Variants in POLB observed in about 807,000 individuals in gnomAD.
POLB encodes DNA polymerase beta, also known as 5'-dRP lyase.
POLB carries 37 observed loss-of-function variants against 52.7 expected under a neutral mutation model. The observed-to-expected ratio is 0.70, with a 90% CI of 0.54 to 0.92. The LOEUF is 0.92. POLB is among the 40% of genes least tolerant of loss of function. The pLI is 0.00. For synonymous variants in POLB, 138 were observed against 131.3 expected, an observed-to-expected ratio of 1.05 and a Z score of -0.35; for missense variants, 313 against 400.8, an observed-to-expected ratio of 0.78 and a Z score of 1.87.
In POLB at chr8:42,338,517, G is replaced by C; in HGVS notation, c.-108G>C. On this transcript the variant is annotated 5_prime_UTR_variant, in exon 1 of 14. Transcript: ENST00000265421. ...CCATTGTTCCGCCGGTCGCGCCGGA[G>C]CTGGGTTGCTCCTGCTCCCGTCTCC... 1 of 959,468 alleles carries C rather than the reference G, an allele frequency of 1.0e-6. No homozygotes were observed. The highest frequency in any genetic ancestry group is 1.3e-5 in the South Asian group (1 of 76,348). The allele number at this position is 959,468 out of a possible 1,614,324, so 59.4% of individuals were successfully genotyped here. A position where few individuals can be genotyped will look rare whatever the true frequency, so the allele number is the denominator to read the frequency against.
chr8:42,354,450 AC>A (rs937942323), intron 6 of POLB: 12 of 1,284,456 alleles, frequency 9.3e-6, no homozygotes, highest in Non-Finnish European at 1.2e-5. Context: ...GTAAAGGGAC[AC>A]CTGAATGGAA....
intron 2 of POLB, chr8:42,339,400 A>G (rs1295154198): frequency 3.3e-6 from 1 of 304,180 alleles, no homozygotes; most frequent in South Asian, 3.3e-5. Flanking sequence ...ATGTGGTTCA[A>G]GGAATCACAT....
chr8:42,351,973 C>G (rs1822999549), intron 5 of POLB, among the ~76,000 whole-genome samples: 1 of 152,126 alleles, frequency 6.6e-6, no homozygotes, highest in Non-Finnish European at 1.5e-5. Flanking sequence ...TTTCCTTTTC[C>G]CGAAACGTTT....
In POLB at chr8:42,338,554, C is replaced by T; in HGVS notation, c.-71C>T. On this transcript the variant is annotated 5_prime_UTR_variant, in exon 1 of 14. Transcript: ENST00000265421. The stretch of plus-strand genomic sequence containing the variant: ...CTGCTCCCGTCTCCAAGTCCTGGTA[C>T]CTCCTTCAAGCTGGGAGAGGGCTCT... 1.5e-6 allele frequency: 2 copies of T among 1,363,608 alleles called. No individual in the cohort carries two copies. The allele number at this position is 1,363,608 out of a possible 1,614,324, so 84.5% of individuals were successfully genotyped here.
Position 42,355,577 on chromosome 8 carries a change from C to T in POLB, c.422+10C>T. 2.6e-6 allele frequency: 4 copies of T among 1,566,688 alleles called. No homozygotes were observed. The highest frequency in any genetic ancestry group is 1.1e-5 in the South Asian group (1 of 89,436). On this transcript the variant is annotated intron_variant, in intron 7 of 13. Transcript: ENST00000265421. The stretch of plus-strand genomic sequence containing the variant: ...AGCGAATTGGGCTGAAGTAAGATGG[C>T]AGATTTTCTTTTGACACTTGAGATA...
chr8:42,347,275 A>G (rs1822681281), intron 3 of POLB, among the ~76,000 whole-genome samples: 1 of 147,818 alleles, frequency 6.8e-6, no homozygotes, highest in Non-Finnish European at 1.5e-5. Flanking sequence ...AATTCTAGAA[A>G]TTATTCTAGA....
At chr8:42,339,128 C>A in intron 2 of POLB, 59 bp downstream of exon 2, 1 of 1,320,722 alleles carries the variant, frequency 7.6e-7, no homozygotes, top group Non-Finnish European at 1.1e-6. Flanking sequence ...TTTAGTGTGG[C>A]AATTAACAGG....
intron 5 of POLB, among the ~76,000 whole-genome samples, chr8:42,351,422 A>G (rs945170053): frequency 1.5e-4 from 23 of 152,248 alleles, no homozygotes; most frequent in East Asian, 5.8e-4. Context: ...GCCCCAGACT[A>G]TTGTGCTTGT....
chr8:42,371,535 C>T, intron 13 of POLB, 28 bp from the exon 14 acceptor site: 2 of 1,343,190 alleles, frequency 1.5e-6, no homozygotes, highest in South Asian at 1.2e-5. Flanking sequence ...CTGGTTCTTA[C>T]AATAAGTTTT....
chr8:42,362,573 AATT>A, intron 10 of POLB, 36 bp from the exon 11 acceptor site: 1 of 1,191,274 alleles, frequency 8.4e-7, no homozygotes, highest in Non-Finnish European at 1.3e-6. Context: ...ATTACAAAGT[AATT>A]ACTCTTTTTC....
intron 2 of POLB, chr8:42,342,566 G>T (rs1480547401): frequency 2.7e-6 from 2 of 735,980 alleles, no homozygotes; most frequent in Non-Finnish European, 4.8e-6. Flanking sequence ...TTACCATCTT[G>T]TCATCTTTAA....
In POLB at chr8:42,355,544, C is replaced by A. The variant is rs1396958750; in HGVS notation, c.399C>A (p.Asn133Lys). 1.9e-6 allele frequency: 3 copies of A among 1,592,942 alleles called. No homozygotes were observed. The highest frequency in any genetic ancestry group is 2.6e-6 in the Non-Finnish European group (3 of 1,161,558). ...EDLRKNEDKL[N>K]HHQRIGLKYF... ...TCAGAAAAAATGAAGATAAATTGAA[C>A]CATCATCAGCGAATTGGGCTGAAGT... The change falls in exon 7 of 14, where the codon AAC (asparagine) becomes AAA (lysine). Residue 133 changes from asparagine to lysine, a missense_variant. This residue lies in a region of POLB where 246 missense variants were observed against 297.6 expected (regional missense o/e 0.83). Transcript: ENST00000265421.
chr8:42,370,350 A>G (rs1364519272), intron 13 of POLB, among the ~76,000 whole-genome samples: 1 of 146,320 alleles, frequency 6.8e-6, no homozygotes, highest in Non-Finnish European at 1.5e-5. Flanking sequence ...AGTGCCACAT[A>G]CTTTGCTTTT....
At chr8:42,343,637 C>G (rs1822400980) in intron 2 of POLB, among the ~76,000 whole-genome samples, 1 of 151,332 alleles carries the variant, frequency 6.6e-6, no homozygotes, top group Non-Finnish European at 1.5e-5. Context: ...AAAAGGGGGC[C>G]CAATGATGAT....
At position 42,371,690 on chromosome 8, in the gene POLB, T is replaced by C. The variant is rs377135331; in HGVS notation, c.*33T>C. On this transcript the variant is annotated 3_prime_UTR_variant, in exon 14 of 14. Coordinates refer to ENST00000265421, the MANE Select transcript of POLB (RefSeq NM_002690.3). ...ATCCTCCCTGGCAGACACAACCCAA[T>C]AGGAGTCTTAATTTATTTCTTAACC... The C allele has an allele frequency of 1.6e-5, 19 of 1,207,592 alleles. No individual in the cohort carries two copies. The Admixed American group carries it at 2.2e-4, about 14-fold the overall frequency. The allele number at this position is 1,207,592 out of a possible 1,614,324, so 74.8% of individuals were successfully genotyped here.
chr8:42,352,209 T>C (rs1446489983), intron 5 of POLB, among the ~76,000 whole-genome samples: 1 of 152,232 alleles, frequency 6.6e-6, no homozygotes, highest in African/African-American at 2.4e-5. Flanking sequence ...CAGGAAAGTA[T>C]CTGACACATA....
Position 42,340,358 on chromosome 8 carries a change from C to G in POLB, c.119+1289C>G, listed in dbSNP as rs117131123. Among the ~76,000 whole-genome samples, 15 of 152,264 alleles carry G rather than the reference C, an allele frequency of 9.9e-5. No individual in the cohort carries two copies. In the East Asian group the frequency reaches 2.7e-3, roughly 27 times the overall value. On this transcript the variant is annotated intron_variant, in intron 2 of 13. Coordinates refer to ENST00000265421, the MANE Select transcript of POLB (RefSeq NM_002690.3). Reference sequence around the variant, plus strand: ...AAAATGGTCAAAACTTTGTTTCATGCACAAAATTATTAAAACGACTATATA... The same window carrying G: ...AAAATGGTCAAAACTTTGTTTCATGGACAAAATTATTAAAACGACTATATA...
In POLB at chr8:42,349,204, G is replaced by C. The variant is rs1191715997; in HGVS notation, c.261+114G>C. 22 of 607,648 alleles carry C rather than the reference G, an allele frequency of 3.6e-5. No individual in the cohort carries two copies. The South Asian group carries it at 3.8e-4, about 11-fold the overall frequency. The allele number at this position is 607,648 out of a possible 1,614,324, so 37.6% of individuals were successfully genotyped here. ...CACTGTAGTGAGACTCACAGGAAATGAGGTGAGTGAAGTTGATGGCTTTAA... is the reference window on the plus strand; with the variant it reads ...CACTGTAGTGAGACTCACAGGAAATCAGGTGAGTGAAGTTGATGGCTTTAA... On this transcript the variant is annotated intron_variant, in intron 4 of 13. Transcript: ENST00000265421.
rs537907744 is a variant in POLB, at chr8:42,341,995, G to A, written c.119+2926G>A. The A allele has an allele frequency of 1.4e-4, 105 of 756,796 alleles. 1 individual carries two copies. In the African/African-American group the frequency reaches 1.6e-3, roughly 12 times the overall value. 46.9% of individuals were successfully genotyped at this position (756,796 alleles called of 1,614,324 possible). On this transcript the variant is annotated intron_variant, in intron 2 of 13. Coordinates refer to ENST00000265421, the MANE Select transcript of POLB (RefSeq NM_002690.3). ...TTATGTATTGAGAGAACTGTTTCTT[G>A]TAAGCATCTTTATCTTCCATTAAGT... is the stretch of plus-strand genomic sequence containing the variant.
Sources: allele counts gnomAD v4.1 joint callset (sites outside exome capture counted in the v4.1 genomes callset), GRCh38; gene constraint gnomAD v4.1.1; regional missense constraint gnomAD v4.1.1; transcripts MANE v1.5; gene names NCBI Gene and HGNC (gene_info 2026-07-23, HGNC 2026-07-21).